The following DCDC1 variants were observed in gnomAD, a reference collection of about 807,000 sequenced individuals.
DCDC1 encodes the protein doublecortin domain containing 1, also known as doublecortin domain-containing protein 1.
In DCDC1, 200 loss-of-function variants were observed where a neutral mutation model predicts 178.3. That is an observed-to-expected ratio of 1.12 (90% CI 1.00 to 1.26). The LOEUF (loss-of-function observed/expected upper bound fraction) is 1.26, where lower values mean the gene tolerates loss of function less well. Ranked by LOEUF, DCDC1 falls within the 50% of genes most tolerant of loss-of-function variation. The pLI, the probability that DCDC1 is intolerant of heterozygous loss-of-function variation, is 0.00. For missense variants in DCDC1, 1,983 were observed against 1,749.2 expected (o/e 1.13, Z -2.38); for synonymous variants, 690 against 604.8 (o/e 1.14, Z -2.07).
chr11:31,340,590 C>T (rs973837216), intron 1 of DCDC1, among the ~76,000 whole-genome samples: 2 of 152,104 alleles, frequency 1.3e-5, no homozygotes, highest in African/African-American at 4.8e-5. Context: ...ATGAGATTAA[C>T]ATTTAAATGT....
At chr11:30,959,059 C>T (rs1213078330) in intron 20 of DCDC1, among the ~76,000 whole-genome samples, 1 of 152,114 alleles carries the variant, frequency 6.6e-6, no homozygotes, top group Non-Finnish European at 1.5e-5. Context: ...CTAGTCAAAG[C>T]ACTGGCCAAG....
At chr11:31,033,488 T>C (rs1484232653) in intron 20 of DCDC1, among the ~76,000 whole-genome samples, 1 of 152,100 alleles carries the variant, frequency 6.6e-6, no homozygotes, top group Non-Finnish European at 1.5e-5. Context: ...TTCTCTCCCA[T>C]TCATTTATTT....
chr11:31,343,660 T>A (rs1321769642), intron 1 of DCDC1, among the ~76,000 whole-genome samples: 2 of 152,078 alleles, frequency 1.3e-5, no homozygotes, highest in Non-Finnish European at 2.9e-5. Context: ...GGCTCACACC[T>A]ATAATCCCAG....
chr11:31,037,428 C>CT (rs869310230), intron 20 of DCDC1, among the ~76,000 whole-genome samples: 10 of 44,868 alleles, frequency 2.2e-4, no homozygotes, highest in Admixed American at 6.6e-4. Flanking sequence ...CTAAATATTT[C>CT]TTTCTTTTTT....
At chr11:31,138,806 A>C (rs544041233) in intron 9 of DCDC1, among the ~76,000 whole-genome samples, 22 of 152,342 alleles carry the variant, frequency 1.4e-4, no homozygotes, top group South Asian at 6.2e-4. Context: ...AGGTTCAAAA[A>C]TATGACCTCT....
chr11:31,294,198 A>C (rs1457797071), intron 6 of DCDC1, among the ~76,000 whole-genome samples: 1 of 152,108 alleles, frequency 6.6e-6, no homozygotes, highest in Non-Finnish European at 1.5e-5. Flanking sequence ...ATGAGAAGTT[A>C]GTTGTGAAAA....
At chr11:31,106,774 G>C in intron 13 of DCDC1, 23 bp downstream of exon 13, 1 of 763,796 alleles carries the variant, frequency 1.3e-6, no homozygotes, top group Non-Finnish European at 2.4e-6. Flanking sequence ...ATTGAGGACA[G>C]AAAACAAACC....
At chr11:30,903,417 C>A in intron 32 of DCDC1, 65 bp downstream of exon 32, 1 of 1,333,166 alleles carries the variant, frequency 7.5e-7, no homozygotes, top group Non-Finnish European at 9.8e-7. Context: ...ATGAAATAAT[C>A]ATGTTTAACG....
chr11:31,269,682 G>C (rs1167216434), intron 7 of DCDC1, among the ~76,000 whole-genome samples: 1 of 152,030 alleles, frequency 6.6e-6, no homozygotes, highest in Non-Finnish European at 1.5e-5. Flanking sequence ...CACTGCACCT[G>C]GCCTGTTAAT....
At chr11:30,975,685 C>T (rs1248191287) in intron 20 of DCDC1, among the ~76,000 whole-genome samples, 3 of 151,894 alleles carry the variant, frequency 2.0e-5, no homozygotes, top group Admixed American at 1.3e-4. Flanking sequence ...AGGAAAACAA[C>T]AATACACTGA....
chr11:31,150,578 A>G (rs1006445585), intron 9 of DCDC1, among the ~76,000 whole-genome samples: 13 of 152,144 alleles, frequency 8.5e-5, no homozygotes, highest in South Asian at 2.1e-4. Flanking sequence ...TACAATATCT[A>G]TCTATCTATC....
chr11:31,287,638 C>A (rs530788903), intron 7 of DCDC1, among the ~76,000 whole-genome samples: 2 of 151,940 alleles, frequency 1.3e-5, no homozygotes, highest in African/African-American at 4.8e-5. Context: ...ACACTAGCAA[C>A]AAAAATCAAT....
chr11:31,197,181 T>G (rs576630272), intron 9 of DCDC1, among the ~76,000 whole-genome samples: 8 of 152,034 alleles, frequency 5.3e-5, no homozygotes, highest in Non-Finnish European at 1.0e-4. Context: ...GATGTCTAAG[T>G]ATTTCAAAAA....
At chr11:31,049,950 A>G (rs1231786440) in intron 20 of DCDC1, among the ~76,000 whole-genome samples, 1 of 152,206 alleles carries the variant, frequency 6.6e-6, no homozygotes, top group Non-Finnish European at 1.5e-5. Context: ...CACAGGGAGA[A>G]GGAAATCTCT....
chr11:31,210,783 C>T (rs1214313945), intron 9 of DCDC1, among the ~76,000 whole-genome samples: 19 of 151,606 alleles, frequency 1.3e-4, no homozygotes, highest in Admixed American at 1.2e-3. Context: ...AAGCACTGTT[C>T]CCAGATCTTT....
intron 20 of DCDC1, among the ~76,000 whole-genome samples, chr11:30,990,428 T>C (rs1950911825): frequency 6.6e-6 from 1 of 152,100 alleles, no homozygotes; most frequent in East Asian, 1.9e-4. Flanking sequence ...CCCATGTTGT[T>C]ATGGAGGCAC....
At chr11:31,072,713 A>G (rs532760671) in intron 18 of DCDC1, among the ~76,000 whole-genome samples, 1 of 152,264 alleles carries the variant, frequency 6.6e-6, no homozygotes, top group East Asian at 1.9e-4. Context: ...ATAAGACAAA[A>G]GACTTATCCA....
At chr11:31,280,956 A>G (rs56345327) in intron 7 of DCDC1, 1 of 632,906 alleles carries the variant, frequency 1.6e-6, no homozygotes, top group Non-Finnish European at 3.0e-6. Context: ...TTTTGAACAA[A>G]AACTCTTCTT....
At chr11:31,124,429 C>T (rs1021818318) in intron 11 of DCDC1, among the ~76,000 whole-genome samples, 1 of 152,042 alleles carries the variant, frequency 6.6e-6, no homozygotes, top group Non-Finnish European at 1.5e-5. Context: ...TTAGAAAACA[C>T]TATTTTAAAG....
Sources: allele counts gnomAD v4.1 joint callset (sites outside exome capture counted in the v4.1 genomes callset), GRCh38; gene constraint gnomAD v4.1.1; transcripts MANE v1.5; gene names NCBI Gene and HGNC (gene_info 2026-07-23, HGNC 2026-07-21).